The following ANKRD12 variants were observed in gnomAD, a reference collection of about 807,000 sequenced individuals.
ANKRD12 encodes ankyrin repeat domain-containing protein 12.
Under a neutral mutation model 183.4 loss-of-function variants are expected in ANKRD12, and 85 were observed. The observed-to-expected ratio is 0.46, with a 90% CI of 0.39 to 0.56. ANKRD12 has a LOEUF of 0.56. Ranked by LOEUF, ANKRD12 falls within the 20% of genes least tolerant of loss-of-function variation. The pLI, the probability that ANKRD12 is intolerant of heterozygous loss-of-function variation, is 0.00. For synonymous variants in ANKRD12, 914 were observed against 800.2 expected, an observed-to-expected ratio of 1.14 and a Z score of -2.40; for missense variants, 2,405 against 2,357.1, an observed-to-expected ratio of 1.02 and a Z score of -0.42.
At chr18:9,157,780 G>A (rs1468040195) in intron 1 of ANKRD12, among the ~76,000 whole-genome samples, 2 of 151,654 alleles carry the variant, frequency 1.3e-5, no homozygotes, top group Non-Finnish European at 2.9e-5. Context: ...GACAGCATCG[G>A]TTTTCCTCTT....
chr18:9,194,327 T>TTTTATTTATTTATTTA (rs139857271), intron 2 of ANKRD12, among the ~76,000 whole-genome samples: 7 of 144,622 alleles, frequency 4.8e-5, no homozygotes, highest in East Asian at 2.1e-4. Context: ...ATATAGATAA[T>TTTTATTTATTTATTTA]TTTATTTATT....
chr18:9,177,783 C>A (rs528590592), intron 1 of ANKRD12, among the ~76,000 whole-genome samples: 23 of 152,174 alleles, frequency 1.5e-4, no homozygotes, highest in Non-Finnish European at 2.8e-4. Flanking sequence ...TCTCTACCTT[C>A]GTGAGATCAA....
intron 7 of ANKRD12, 25 bp from the exon 8 acceptor site, chr18:9,221,827 G>A (rs753462700): frequency 1.2e-5 from 19 of 1,612,422 alleles, no homozygotes; most frequent in East Asian, 2.2e-5. Context: ...AAGGGACTAA[G>A]TCTTCCTGCT....
rs1230531995 is a variant in ANKRD12, at chr18:9,255,216, T to TA, written c.1956dup (p.His653ThrfsTer2). Reference sequence around the variant, plus strand: ...AAAATGGATAAAGAAGGTAAAACATTAAAAAAACATAAATTGAAGCATAAA... The same window carrying TA: ...AAAATGGATAAAGAAGGTAAAACATTAAAAAAAACATAAATTGAAGCATAAA... On this transcript the variant is annotated frameshift_variant, in exon 9 of 13. Transcript: ENST00000262126. LOFTEE classifies it high-confidence loss of function. The TA allele has an allele frequency of 1.9e-6, 3 of 1,561,896 alleles. No homozygotes were observed. The highest frequency in any genetic ancestry group is 2.3e-5 in the East Asian group (1 of 43,394).
chr18:9,159,186 C>T (rs566512159), intron 1 of ANKRD12, among the ~76,000 whole-genome samples: 1 of 152,034 alleles, frequency 6.6e-6, no homozygotes, highest in East Asian at 1.9e-4. Flanking sequence ...TGGGCTGTTG[C>T]GGCTTGTGGA....
intron 1 of ANKRD12, among the ~76,000 whole-genome samples, chr18:9,166,646 AT>A (rs1447130362): frequency 6.6e-6 from 1 of 150,766 alleles, no homozygotes; most frequent in African/African-American, 2.4e-5. Context: ...GGTTGCAAAA[AT>A]TTTCTCCCAT....
intron 1 of ANKRD12, among the ~76,000 whole-genome samples, chr18:9,161,462 G>A (rs1333667492): frequency 3.3e-5 from 5 of 151,130 alleles, no homozygotes; most frequent in Non-Finnish European, 7.4e-5. Flanking sequence ...TGCAAGCTCC[G>A]CCTCCCAGGT....
rs754462675 is a variant in ANKRD12, at chr18:9,285,513, CAA to C, written c.*4388_*4389del. On this transcript the variant is annotated 3_prime_UTR_variant, in exon 13 of 13. Transcript: ENST00000262126. Reference sequence around the variant, plus strand: ...AGGCACCACCTATGCACTCATCACTCAAGAGAATATCAATAACTTTCTCAGTT... The same window carrying C: ...AGGCACCACCTATGCACTCATCACTCGAGAATATCAATAACTTTCTCAGTT... 7.9e-5 allele frequency: 12 copies of C among 151,642 alleles called. No individual in the cohort carries two copies. Among genetic ancestry groups the C allele is most frequent in the Admixed American group, 3.3e-4 (5 of 15,216 alleles). 9.4% of individuals were successfully genotyped at this position (151,642 alleles called of 1,614,324 possible).
chr18:9,153,149 A>G (rs759068545), intron 1 of ANKRD12, among the ~76,000 whole-genome samples: 22 of 152,158 alleles, frequency 1.4e-4, no homozygotes, highest in Admixed American at 7.2e-4. Context: ...ATTTATTTCT[A>G]TTATTTGAGT....
At chr18:9,194,157 CATCAA>C (rs1415792714) in intron 2 of ANKRD12, among the ~76,000 whole-genome samples, 1 of 151,994 alleles carries the variant, frequency 6.6e-6, no homozygotes, top group Admixed American at 6.5e-5. Context: ...CTTTACTATG[CATCAA>C]AATTATGTGG....
At chr18:9,275,912 GC>G (rs1390113060) in intron 11 of ANKRD12, among the ~76,000 whole-genome samples, 1 of 152,194 alleles carries the variant, frequency 6.6e-6, no homozygotes, top group Non-Finnish European at 1.5e-5. Flanking sequence ...TTAGGATAGT[GC>G]CCTTACAGGT....
intron 1 of ANKRD12, among the ~76,000 whole-genome samples, chr18:9,177,668 A>G (rs1266140325): frequency 6.6e-6 from 1 of 152,170 alleles, no homozygotes; most frequent in Non-Finnish European, 1.5e-5. Context: ...GTGCTGTCAA[A>G]CATTAGAACT....
At chr18:9,157,665 T>A (rs2030812393) in intron 1 of ANKRD12, among the ~76,000 whole-genome samples, 1 of 147,656 alleles carries the variant, frequency 6.8e-6, no homozygotes, top group South Asian at 2.1e-4. Flanking sequence ...TGCAGTGGCA[T>A]GATCTCGACT....
At chr18:9,144,797 A>G (rs1360174480) in intron 1 of ANKRD12, among the ~76,000 whole-genome samples, 2 of 152,206 alleles carry the variant, frequency 1.3e-5, no homozygotes, top group Non-Finnish European at 2.9e-5. Flanking sequence ...TGATGATATT[A>G]AAAGAAAAGA....
chr18:9,269,417 CAG>C (rs1568000031), intron 10 of ANKRD12, among the ~76,000 whole-genome samples: 1 of 152,146 alleles, frequency 6.6e-6, no homozygotes, highest in East Asian at 1.9e-4. Context: ...GGTACCAAAA[CAG>C]AGATACAGAC....
intron 1 of ANKRD12, among the ~76,000 whole-genome samples, chr18:9,150,311 C>T (rs369066305): frequency 1.4e-3 from 219 of 152,212 alleles, no homozygotes; most frequent in African/African-American, 5.0e-3. Context: ...TGAAGCACTC[C>T]GTTACCTGCC....
At chr18:9,196,457 T>C (rs953161757) in intron 3 of ANKRD12, among the ~76,000 whole-genome samples, 1 of 152,210 alleles carries the variant, frequency 6.6e-6, no homozygotes, top group Non-Finnish European at 1.5e-5. Flanking sequence ...GCATGAAATA[T>C]TAATAATGAA....
chr18:9,281,224 A>G lies in ANKRD12; in HGVS notation c.*98A>G, dbSNP rs1382810030. ...TGACAAAAATACTCATGCCTTTACA[A>G]TTGTTAGTAAAGTTCGATTATAGTT... On this transcript the variant is annotated 3_prime_UTR_variant, in exon 13 of 13. Transcript: ENST00000262126. 10 of 1,005,716 alleles carry G rather than the reference A, an allele frequency of 9.9e-6. No individual in the cohort carries two copies. Among genetic ancestry groups the G allele is most frequent in the Non-Finnish European group, 1.3e-5 (9 of 692,702 alleles). The allele number at this position is 1,005,716 out of a possible 1,614,324, so 62.3% of individuals were successfully genotyped here.
At chr18:9,253,158 C>A (rs1452569519) in intron 8 of ANKRD12, among the ~76,000 whole-genome samples, 1 of 152,024 alleles carries the variant, frequency 6.6e-6, no homozygotes, top group Non-Finnish European at 1.5e-5. Context: ...GTGTAAAAAA[C>A]CAAGGTAATT....
Sources: allele counts gnomAD v4.1 joint callset (sites outside exome capture counted in the v4.1 genomes callset), GRCh38; gene constraint gnomAD v4.1.1; transcripts MANE v1.5; gene names NCBI Gene and HGNC (gene_info 2026-07-23, HGNC 2026-07-21).